RAPGEF2: variants seen among roughly 807,000 people sequenced by gnomAD.
The protein encoded by RAPGEF2 is PDZ domain containing guanine nucleotide exchange factor (GEF) 1.
A neutral mutation model predicts 186.7 loss-of-function variants in RAPGEF2; 54 were observed. That is an observed-to-expected ratio of 0.29 (90% CI 0.23 to 0.36). The LOEUF (loss-of-function observed/expected upper bound fraction) is 0.36. Ranked by LOEUF, RAPGEF2 falls within the 10% of genes least tolerant of loss-of-function variation. RAPGEF2 has a pLI of 1.00. For synonymous variants in RAPGEF2, 712 were observed against 705.9 expected (o/e 1.01, Z -0.14); for missense variants, 1,532 against 2,045.0 (o/e 0.75, Z 4.84).
intron 1 of RAPGEF2, 47 bp from the exon 2 acceptor site, chr4:159,186,595 C>T (rs1324449965): frequency 1.4e-5 from 14 of 1,004,078 alleles, no homozygotes; most frequent in Non-Finnish European, 2.0e-5. Context: ...TTTAGAAACC[C>T]CTTTTCCTGA....
At chr4:159,344,120 T>C in intron 23 of RAPGEF2, 61 bp downstream of exon 23, 1 of 1,488,230 alleles carries the variant, frequency 6.7e-7, no homozygotes, top group South Asian at 1.1e-5. Flanking sequence ...TGCATTGTTT[T>C]CTTACCTGCT....
At chr4:159,104,424 C>T (rs1218464799) in intron 1 of RAPGEF2, among the ~76,000 whole-genome samples, 193 bp downstream of exon 1, 2 of 151,180 alleles carry the variant, frequency 1.3e-5, no homozygotes, top group African/African-American at 2.4e-5. Flanking sequence ...TTTTCCCTCT[C>T]CTTGACATTC....
chr4:159,290,738 A>G (rs887997161), intron 7 of RAPGEF2, among the ~76,000 whole-genome samples: 5 of 151,352 alleles, frequency 3.3e-5, no homozygotes, highest in Non-Finnish European at 7.4e-5. Context: ...ATTTAATGGC[A>G]TGTGTCTAAG....
At chr4:159,348,493 A>G (rs1275689759) in intron 25 of RAPGEF2, among the ~76,000 whole-genome samples, 1 of 152,158 alleles carries the variant, frequency 6.6e-6, no homozygotes. Flanking sequence ...GAATAAGAAA[A>G]GAACACCTTT....
At chr4:159,128,633 A>C (rs1203917680) in intron 1 of RAPGEF2, among the ~76,000 whole-genome samples, 2 of 151,806 alleles carry the variant, frequency 1.3e-5, no homozygotes, top group Non-Finnish European at 2.9e-5. Context: ...GTTAATACTT[A>C]TATGGATTAT....
Position 159,241,276 on chromosome 4 carries a change from A to G in RAPGEF2, c.433A>G (p.Lys145Glu). 6.5e-7 allele frequency: 1 copy of G among 1,534,304 alleles called. No individual in the cohort carries two copies. The highest frequency in any genetic ancestry group is 8.7e-7 in the Non-Finnish European group (1 of 1,145,782). ...SHRQSRRRFR[K>E]INQKGERQTI... is the part of the protein sequence containing the mutation. The stretch of plus-strand genomic sequence containing the variant: ...TAGACAGTCTCGAAGGAGATTTAGA[A>G]AAATCAACCAGAAAGGTGAAAGACA... Residue 145 changes from lysine (K) to glutamate (E), a missense_variant, in exon 6 of 30, where the codon AAA (lysine) becomes GAA (glutamate). Lys to Glu is a moderately conservative substitution (Grantham distance 56). Transcript: ENST00000691494.
chr4:159,177,148 T>C (rs988524305), intron 1 of RAPGEF2, among the ~76,000 whole-genome samples: 4 of 151,610 alleles, frequency 2.6e-5, no homozygotes, highest in African/African-American at 9.7e-5. Context: ...AAACCTAATA[T>C]AAAAATCTGG....
At chr4:159,318,657 C>T (rs1764886928) in intron 9 of RAPGEF2, among the ~76,000 whole-genome samples, 1 of 152,070 alleles carries the variant, frequency 6.6e-6, no homozygotes, top group African/African-American at 2.4e-5. Flanking sequence ...TGTAGGTACT[C>T]CATTATTGAA....
At chr4:159,128,894 AGT>A in intron 1 of RAPGEF2, 1 of 141,238 alleles carries the variant, frequency 7.1e-6, no homozygotes, top group East Asian at 2.1e-4. Flanking sequence ...GAAAGTGAAG[AGT>A]GTGTGTATAT....
chr4:159,277,989 T>A (rs531687049), intron 7 of RAPGEF2, among the ~76,000 whole-genome samples: 1 of 152,344 alleles, frequency 6.6e-6, no homozygotes, highest in South Asian at 2.1e-4. Context: ...TTGCCATTGC[T>A]TTTGGTGTTT....
At chr4:159,245,119 G>A (rs368118048) in intron 7 of RAPGEF2, among the ~76,000 whole-genome samples, 2 of 152,058 alleles carry the variant, frequency 1.3e-5, no homozygotes, top group African/African-American at 2.4e-5. Context: ...TGCGCACTGA[G>A]TTATGATGTA....
At chr4:159,278,457 C>T (rs1759231271) in intron 7 of RAPGEF2, among the ~76,000 whole-genome samples, 1 of 152,170 alleles carries the variant, frequency 6.6e-6, no homozygotes. Flanking sequence ...AATAACTACT[C>T]AGGGTTCCAC....
intron 1 of RAPGEF2, among the ~76,000 whole-genome samples, chr4:159,181,704 T>G (rs1022484680): frequency 5.3e-5 from 8 of 151,804 alleles, no homozygotes; most frequent in African/African-American, 1.9e-4. Flanking sequence ...CCTGGCTAAT[T>G]TTTTGTATTT....
At chr4:159,304,249 G>T (rs747250437) in intron 7 of RAPGEF2, 93 bp from the exon 8 acceptor site, 3 of 1,199,632 alleles carry the variant, frequency 2.5e-6, no homozygotes, top group African/African-American at 3.1e-5. Flanking sequence ...TAGTTCAATG[G>T]TATAGAATAA....
chr4:159,176,926 A>G (rs1034837141), intron 1 of RAPGEF2, among the ~76,000 whole-genome samples: 10 of 152,184 alleles, frequency 6.6e-5, no homozygotes, highest in Non-Finnish European at 1.5e-4. Context: ...AGAGAGGAAA[A>G]TACTTACAGT....
At chr4:159,286,473 T>G (rs574785859) in intron 7 of RAPGEF2, among the ~76,000 whole-genome samples, 1 of 152,188 alleles carries the variant, frequency 6.6e-6, no homozygotes, top group Non-Finnish European at 1.5e-5. Context: ...TAAATCAGAC[T>G]TATAAAATGT....
At chr4:159,307,726 T>C (rs572412259) in intron 8 of RAPGEF2, among the ~76,000 whole-genome samples, 1 of 152,064 alleles carries the variant, frequency 6.6e-6, no homozygotes, top group Non-Finnish European at 1.5e-5. Context: ...AATCCCAGCA[T>C]TTTGGGGGGC....
At chr4:159,277,117 C>G (rs1324382478) in intron 7 of RAPGEF2, among the ~76,000 whole-genome samples, 1 of 147,736 alleles carries the variant, frequency 6.8e-6, no homozygotes, top group Non-Finnish European at 1.5e-5. Context: ...TGTTCCCTAT[C>G]CTGTGTCCAA....
At chr4:159,141,020 C>T (rs1258224157) in intron 1 of RAPGEF2, among the ~76,000 whole-genome samples, 2 of 151,824 alleles carry the variant, frequency 1.3e-5, no homozygotes, top group South Asian at 2.1e-4. Context: ...TCAGTAGAGA[C>T]GGGGTTGAGT....
Sources: gnomAD v4.1 joint callset for allele counts (sites outside exome capture counted in the v4.1 genomes callset) on GRCh38, gnomAD v4.1.1 for gene constraint, MANE v1.5 for transcripts, NCBI Gene and HGNC (gene_info 2026-07-23, HGNC 2026-07-21) for gene names.